Variants in EFHC1 observed in about 807,000 individuals in gnomAD.
The protein encoded by EFHC1 is EF-hand domain-containing protein 1.
A neutral mutation model predicts 69.9 loss-of-function variants in EFHC1; 53 were observed. The observed-to-expected ratio is 0.76, with a 90% CI of 0.61 to 0.95. The LOEUF is 0.95. EFHC1 is among the 40% of genes least tolerant of loss of function. The pLI, the probability that EFHC1 is intolerant of heterozygous loss-of-function variation, is 0.00. For synonymous variants in EFHC1, 256 were observed against 278.4 expected (o/e 0.92, Z 0.80); for missense variants, 739 against 798.7 (o/e 0.93, Z 0.90).
chr6:52,453,986 C>T (rs1261201455), intron 4 of EFHC1, 109 bp from the exon 5 acceptor site: 1 of 1,587,128 alleles, frequency 6.3e-7, no homozygotes, highest in Non-Finnish European at 8.6e-7. Flanking sequence ...GAAATTACTT[C>T]ATAGTCTTTC....
rs1252341195 is a variant in EFHC1 at position 52,496,636 on chromosome 6, A to AATC, written c.*4296_*4298dup. On this transcript the variant is annotated 3_prime_UTR_variant, in exon 11 of 11. Coordinates refer to ENST00000371068, the MANE Select transcript of EFHC1 (RefSeq NM_018100.4). ...ATGAACTTAGCATTCAGTATCTCTA[A>AATC]ATCTCTCACCATGACTCCCCACAAA... is the stretch of plus-strand genomic sequence containing the variant. 11 of 152,150 alleles carry AATC rather than the reference A, an allele frequency of 7.2e-5. No homozygotes were observed. The highest frequency in any genetic ancestry group is 5.9e-4 in the Admixed American group (9 of 15,264). The allele number at this position is 152,150 out of a possible 1,614,324, so 9.4% of individuals were successfully genotyped here.
At chr6:52,441,615 A>AT (rs1302241528) in intron 3 of EFHC1, among the ~76,000 whole-genome samples, 3 of 151,990 alleles carry the variant, frequency 2.0e-5, no homozygotes, top group East Asian at 1.9e-4. Flanking sequence ...ATTTTAAAGT[A>AT]TTTTTTTCTA....
Position 52,479,256 on chromosome 6 carries a change from T to A in EFHC1, c.1492+6T>A. 6.2e-7 allele frequency: 1 copy of A among 1,613,910 alleles called. No individual in the cohort carries two copies. Among genetic ancestry groups the A allele is most frequent in the Non-Finnish European group, 8.5e-7 (1 of 1,179,924 alleles). On this transcript the variant is annotated splice_donor_region_variant and intron_variant, in intron 8 of 10. Transcript: ENST00000371068. ...CATTGGTGCTGTGATTGAAGGTAGGTCTAAACACAGTCCAGAATTTCCTAC... is the reference window on the plus strand; with the variant it reads ...CATTGGTGCTGTGATTGAAGGTAGGACTAAACACAGTCCAGAATTTCCTAC...
At chr6:52,468,242 G>A (rs1328172659) in intron 6 of EFHC1, among the ~76,000 whole-genome samples, 1 of 152,194 alleles carries the variant, frequency 6.6e-6, no homozygotes, top group African/African-American at 2.4e-5. Context: ...GGTTGAAGAT[G>A]TCCAGACAGA....
At chr6:52,487,454 C>A (rs1765809957) in intron 9 of EFHC1, 1 of 152,186 alleles carries the variant, frequency 6.6e-6, no homozygotes, top group Non-Finnish European at 1.5e-5. Context: ...CTAGACATTG[C>A]AGTATCTGAA....
intron 2 of EFHC1, chr6:52,430,134 A>G (rs1764385174): frequency 6.6e-6 from 1 of 152,190 alleles, no homozygotes; most frequent in Non-Finnish European, 1.5e-5. Context: ...TTTTCCAGGT[A>G]AACAATCATA....
chr6:52,438,743 G>A (rs1764593552), intron 3 of EFHC1, 152 bp downstream of exon 3: 1 of 788,688 alleles, frequency 1.3e-6, no homozygotes, highest in African/African-American at 1.7e-5. Flanking sequence ...GTGTGTATGT[G>A]CTAATATGTG....
intron 5 of EFHC1, among the ~76,000 whole-genome samples, chr6:52,460,722 G>A (rs1314602255): frequency 6.6e-6 from 1 of 152,092 alleles, no homozygotes; most frequent in Non-Finnish European, 1.5e-5. Flanking sequence ...TCTTCAGAGT[G>A]CTGAGAAAAA....
chr6:52,472,091 T>C (rs1337649980), intron 7 of EFHC1, among the ~76,000 whole-genome samples: 1 of 151,756 alleles, frequency 6.6e-6, no homozygotes, highest in African/African-American at 2.4e-5. Flanking sequence ...ATCAATCTAA[T>C]ATGATTTAAA....
At chr6:52,440,033 C>T (rs1210530289) in intron 3 of EFHC1, among the ~76,000 whole-genome samples, 1 of 152,060 alleles carries the variant, frequency 6.6e-6, no homozygotes, top group Non-Finnish European at 1.5e-5. Flanking sequence ...TGAACATTTG[C>T]AAGTTAATCA....
intron 7 of EFHC1, among the ~76,000 whole-genome samples, chr6:52,472,256 A>G (rs545404666): frequency 2.0e-5 from 3 of 152,324 alleles, no homozygotes; most frequent in East Asian, 1.9e-4. Flanking sequence ...CAGCTTACTT[A>G]GTGATGAAAT....
chr6:52,489,720 A>C (rs1765856147), intron 9 of EFHC1, among the ~76,000 whole-genome samples: 1 of 152,208 alleles, frequency 6.6e-6, no homozygotes, highest in African/African-American at 2.4e-5. Flanking sequence ...TTGGCTACAG[A>C]TCTATAGCTA....
chr6:52,459,500 CA>C (rs1229418507), intron 5 of EFHC1, among the ~76,000 whole-genome samples: 1 of 152,126 alleles, frequency 6.6e-6, no homozygotes, highest in Non-Finnish European at 1.5e-5. Flanking sequence ...AAATTAAAAC[CA>C]TGTAAGATAC....
chr6:52,435,677 C>T (rs1465560477), intron 2 of EFHC1, among the ~76,000 whole-genome samples: 1 of 152,190 alleles, frequency 6.6e-6, no homozygotes, highest in Admixed American at 6.5e-5. Context: ...GATTGCCATG[C>T]CTAGTACTTC....
chr6:52,421,055 C>T (rs1014933009), intron 1 of EFHC1: 8 of 993,988 alleles, frequency 8.0e-6, no homozygotes, highest in East Asian at 1.1e-4. Context: ...TTCCGCTCCT[C>T]TTCTTTCCGC....
chr6:52,453,833 T>G (rs1172278125), intron 4 of EFHC1: 1 of 1,320,942 alleles, frequency 7.6e-7, no homozygotes, highest in Non-Finnish European at 9.9e-7. Context: ...ACTAATATTT[T>G]GGATCAAAGT....
At chr6:52,459,625 C>T (rs1011144691) in intron 5 of EFHC1, among the ~76,000 whole-genome samples, 2 of 152,342 alleles carry the variant, frequency 1.3e-5, no homozygotes, top group Non-Finnish European at 2.9e-5. Flanking sequence ...TCAGCTGAAA[C>T]AACCACGTTG....
At chr6:52,423,900 A>T in intron 1 of EFHC1, 46 bp from the exon 2 acceptor site, 2 of 1,612,136 alleles carry the variant, frequency 1.2e-6, no homozygotes, top group Non-Finnish European at 1.7e-6. Context: ...TTTACCTAAC[A>T]AATATTTGTC....
At chr6:52,423,253 G>A (rs188086524) in intron 1 of EFHC1, among the ~76,000 whole-genome samples, 9 of 152,226 alleles carry the variant, frequency 5.9e-5, no homozygotes, top group Non-Finnish European at 1.2e-4. Flanking sequence ...TCACAGAACC[G>A]TATCTTCTAG....
Sources: allele counts gnomAD v4.1 joint callset (sites outside exome capture counted in the v4.1 genomes callset), GRCh38; gene constraint gnomAD v4.1.1; transcripts MANE v1.5; gene names NCBI Gene and HGNC (gene_info 2026-07-23, HGNC 2026-07-21).